The following AUTS2 variants were observed in gnomAD, a reference collection of about 807,000 sequenced individuals.
AUTS2 encodes the protein autism susceptibility gene 2 protein.
A neutral mutation model predicts 112.4 loss-of-function variants in AUTS2; 17 were observed. That is an observed-to-expected ratio of 0.15 (90% CI 0.10 to 0.23). The LOEUF (loss-of-function observed/expected upper bound fraction) is 0.23, where lower values mean the gene tolerates loss of function less well. AUTS2 is among the 10% of genes least tolerant of loss of function. The probability of loss-of-function intolerance (pLI) is 1.00; values close to 1 mark genes in which losing one functional copy is unlikely to be tolerated. For synonymous variants in AUTS2, 751 were observed against 702.7 expected (o/e 1.07, Z -1.09); for missense variants, 1,510 against 1,701.6 (o/e 0.89, Z 1.98).
intron 1 of AUTS2, among the ~76,000 whole-genome samples, chr7:69,642,571 G>A (rs1794842515): frequency 6.6e-6 from 1 of 152,206 alleles, no homozygotes; most frequent in African/African-American, 2.4e-5. Flanking sequence ...TCAGTGACGA[G>A]TGTATTCTGT....
intron 2 of AUTS2, among the ~76,000 whole-genome samples, chr7:69,994,430 T>C (rs1159967861): frequency 6.6e-6 from 1 of 152,198 alleles, no homozygotes; most frequent in Non-Finnish European, 1.5e-5. Flanking sequence ...GCATTTGTAG[T>C]AATTGAGTGC....
At chr7:70,344,456 T>G (rs1487592061) in intron 4 of AUTS2, among the ~76,000 whole-genome samples, 1 of 152,112 alleles carries the variant, frequency 6.6e-6, no homozygotes, top group East Asian at 1.9e-4. Context: ...AGCCCTTACC[T>G]CTTTGCTAAG....
intron 4 of AUTS2, among the ~76,000 whole-genome samples, chr7:70,266,741 C>T (rs76561701): frequency 3.3e-5 from 5 of 152,144 alleles, no homozygotes; most frequent in Non-Finnish European, 7.3e-5. Context: ...AAAAAAAACC[C>T]TCTCTGAGTC....
At chr7:70,317,516 T>G (rs1174035861) in intron 4 of AUTS2, among the ~76,000 whole-genome samples, 4 of 152,214 alleles carry the variant, frequency 2.6e-5, no homozygotes, top group Non-Finnish European at 5.9e-5. Context: ...CTGTTGACAT[T>G]TGATGAAACT....
chr7:69,768,213 C>G lies in AUTS2; in HGVS notation c.310-131073C>G, dbSNP rs546731408. 1.5e-3 allele frequency among the ~76,000 whole-genome samples: 221 copies of G among 152,278 alleles called. 1 individual carries two copies. Among genetic ancestry groups the G allele is most frequent in the African/African-American group, 4.5e-3 (185 of 41,550 alleles). On this transcript the variant is annotated intron_variant, in intron 1 of 18. Transcript: ENST00000342771. ...GCCCGAAATAGCCGTTTGACAACAT[C>G]CAAGCCACTCACTCTCTCAGACTCT...
Position 69,620,261 on chromosome 7 carries a change from G to A in AUTS2, c.309+20299G>A, listed in dbSNP as rs1018822384. ...CGGAAAACGAAAGTTTATTTCTAGG[G>A]CTCTCTACTGGGCAAGGCTATCAGG... is the stretch of plus-strand genomic sequence containing the variant. On this transcript the variant is annotated intron_variant, in intron 1 of 18. Coordinates refer to ENST00000342771, the MANE Select transcript of AUTS2 (RefSeq NM_015570.4). 3.3e-5 allele frequency among the ~76,000 whole-genome samples: 5 copies of A among 152,152 alleles called. No individual in the cohort carries two copies. In the East Asian group the frequency reaches 5.8e-4, roughly 18 times the overall value.
At chr7:70,462,276 TAATAA>T (rs1332905534) in intron 5 of AUTS2, among the ~76,000 whole-genome samples, 1 of 151,770 alleles carries the variant, frequency 6.6e-6, no homozygotes, top group South Asian at 2.1e-4. Context: ...AAAATAAAAA[TAATAA>T]AATAAAGTGG....
At position 70,143,541 on chromosome 7, in the gene AUTS2, C is replaced by T. The variant is rs148418181; in HGVS notation, c.660+8970C>T. Among the ~76,000 whole-genome samples, 219 of 152,344 alleles carry T rather than the reference C, an allele frequency of 1.4e-3. 1 individual carries two copies. Among genetic ancestry groups the T allele is most frequent in the Admixed American group, 2.7e-3 (42 of 15,306 alleles). On this transcript the variant is annotated intron_variant, in intron 4 of 18. Coordinates refer to ENST00000342771, the MANE Select transcript of AUTS2 (RefSeq NM_015570.4). Reference sequence around the variant, plus strand: ...TAATGAATGATCTCCAATTTTTCTTCAGTAATTAGCTTCGCTAACAGCCAT... The same window carrying T: ...TAATGAATGATCTCCAATTTTTCTTTAGTAATTAGCTTCGCTAACAGCCAT...
chr7:70,014,381 A>G (rs1452939419), intron 2 of AUTS2, among the ~76,000 whole-genome samples: 1 of 152,238 alleles, frequency 6.6e-6, no homozygotes, highest in East Asian at 1.9e-4. Flanking sequence ...GATTTTGAAG[A>G]TGGAAAAAGA....
At chr7:70,383,024 C>CTA (rs1407937118) in intron 4 of AUTS2, among the ~76,000 whole-genome samples, 7 of 152,150 alleles carry the variant, frequency 4.6e-5, no homozygotes, top group Non-Finnish European at 1.0e-4. Context: ...AGATCAAATT[C>CTA]TACCTTTTTT....
chr7:70,168,176 CTGAG>C (rs1400811703), intron 4 of AUTS2, among the ~76,000 whole-genome samples: 1 of 152,174 alleles, frequency 6.6e-6, no homozygotes, highest in Non-Finnish European at 1.5e-5. Flanking sequence ...AGTGGTACTC[CTGAG>C]TATTTTGTAA....
chr7:70,298,188 C>T (rs559855834), intron 4 of AUTS2, among the ~76,000 whole-genome samples: 22 of 152,130 alleles, frequency 1.4e-4, no homozygotes, highest in Admixed American at 1.0e-3. Flanking sequence ...GCCACCACCA[C>T]GCCCAGCTAG....
intron 6 of AUTS2, among the ~76,000 whole-genome samples, chr7:70,704,360 G>A (rs74440498): frequency 0.023 from 3,532 of 152,256 alleles, 65 homozygotes; most frequent in East Asian, 0.064. Flanking sequence ...TGATGGAGGA[G>A]GCGTAGATTA....
chr7:70,696,912 A>G (rs575894900), intron 5 of AUTS2, among the ~76,000 whole-genome samples: 2 of 152,322 alleles, frequency 1.3e-5, no homozygotes, highest in South Asian at 2.1e-4. Context: ...TTTGTAAGCC[A>G]TGAATTTAAC....
intron 1 of AUTS2, among the ~76,000 whole-genome samples, chr7:69,695,847 T>C (rs1797537286): frequency 6.6e-6 from 1 of 152,218 alleles, no homozygotes; most frequent in African/African-American, 2.4e-5. Flanking sequence ...TTAAAAAAAA[T>C]CTTTATTTTT....
At chr7:69,967,197 A>G (rs1797666618) in intron 2 of AUTS2, among the ~76,000 whole-genome samples, 1 of 152,218 alleles carries the variant, frequency 6.6e-6, no homozygotes, top group Admixed American at 6.5e-5. Context: ...TCCTAGACAC[A>G]GCCTCTTGTC....
At chr7:70,374,464 A>G (rs1385611593) in intron 4 of AUTS2, among the ~76,000 whole-genome samples, 1 of 152,220 alleles carries the variant, frequency 6.6e-6, no homozygotes, top group African/African-American at 2.4e-5. Flanking sequence ...AACTCCAGTA[A>G]AAAAGCGGGC....
At chr7:69,728,110 C>G (rs1786606504) in intron 1 of AUTS2, among the ~76,000 whole-genome samples, 1 of 152,092 alleles carries the variant, frequency 6.6e-6, no homozygotes, top group African/African-American at 2.4e-5. Flanking sequence ...GATGTGGGCC[C>G]CTACACGAAA....
chr7:70,342,948 C>T (rs970049237), intron 4 of AUTS2, among the ~76,000 whole-genome samples: 1 of 152,034 alleles, frequency 6.6e-6, no homozygotes, highest in Non-Finnish European at 1.5e-5. Context: ...TTTTAAAGAG[C>T]CAAAATACAG....
Sources: allele counts gnomAD v4.1 joint callset (sites outside exome capture counted in the v4.1 genomes callset), GRCh38; gene constraint gnomAD v4.1.1; transcripts MANE v1.5; gene names NCBI Gene and HGNC (gene_info 2026-07-23, HGNC 2026-07-21).